HMCN1: variants seen among roughly 807,000 people sequenced by gnomAD.
The protein encoded by HMCN1 is hemicentin-1.
HMCN1 carries 321 observed loss-of-function variants against 625.9 expected under a neutral mutation model. That is an observed-to-expected ratio of 0.51 (90% CI 0.47 to 0.56). HMCN1 has a LOEUF of 0.56. Among genes scored for constraint, HMCN1 ranks in the 20% least tolerant of loss-of-function variants. The pLI, the probability that HMCN1 is intolerant of heterozygous loss-of-function variation, is 0.00. For synonymous variants in HMCN1, 2,425 were observed against 2,417.6 expected (o/e 1.00, Z -0.09); for missense variants, 6,588 against 6,887.3 (o/e 0.96, Z 1.54).
intron 1 of HMCN1, among the ~76,000 whole-genome samples, chr1:185,795,326 A>G (rs1264472884): frequency 2.0e-5 from 3 of 152,314 alleles, no homozygotes; most frequent in East Asian, 1.9e-4. Flanking sequence ...GTTACTTCAT[A>G]TAATCATTGA....
At chr1:186,109,355 C>T (rs900765023) in intron 71 of HMCN1, among the ~76,000 whole-genome samples, 1 of 152,182 alleles carries the variant, frequency 6.6e-6, no homozygotes, top group African/African-American at 2.4e-5. Context: ...AGGCCAGGTT[C>T]TGAGAGTTAC....
At chr1:185,813,571 G>A (rs1187957725) in intron 1 of HMCN1, among the ~76,000 whole-genome samples, 1 of 152,120 alleles carries the variant, frequency 6.6e-6, no homozygotes, top group Non-Finnish European at 1.5e-5. Context: ...GTCAGTACCA[G>A]CAGGTGGAGC....
intron 1 of HMCN1, among the ~76,000 whole-genome samples, chr1:185,807,144 ACTAT>A (rs1433504925): frequency 2.6e-5 from 4 of 152,220 alleles, no homozygotes; most frequent in South Asian, 2.1e-4. Context: ...TCCTATTTAA[ACTAT>A]CTAAGAACAT....
rs151088932 is a variant in HMCN1 at position 186,095,297 on chromosome 1, G to T, written c.10349G>T (p.Gly3450Val). 1 of 1,613,642 alleles carries T rather than the reference G, an allele frequency of 6.2e-7. No homozygotes were observed. The highest frequency in any genetic ancestry group is 1.3e-5 in the African/African-American group (1 of 74,874). ...ACAGAGGAAATCACAGTTCTCAAAG[G>T]TAGTTCCACCTCTATGGCATGCATT... ...MGTEEITVLK[G>V]SSTSMACITD... Residue 3450 changes from glycine (G) to valine (V), a missense_variant, in exon 68 of 107, where the codon GGT becomes GTT. Coordinates refer to ENST00000271588, the MANE Select transcript of HMCN1 (RefSeq NM_031935.3).
chr1:186,163,848 A>G (rs1227976428), intron 97 of HMCN1, among the ~76,000 whole-genome samples: 1 of 152,192 alleles, frequency 6.6e-6, no homozygotes, highest in Non-Finnish European at 1.5e-5. Flanking sequence ...TCTTATTATG[A>G]CAACCAAAGT....
chr1:185,970,701 C>T lies in HMCN1; in HGVS notation c.2371+208C>T, dbSNP rs187531398. Reference sequence around the variant, plus strand: ...TGATACGGAGTCTCACTCTGTCACCCAGGCTGGAGTGCAGTAGTGCTATCT... The same window carrying T: ...TGATACGGAGTCTCACTCTGTCACCTAGGCTGGAGTGCAGTAGTGCTATCT... On this transcript the variant is annotated intron_variant, in intron 15 of 106. Transcript: ENST00000271588. Among the ~76,000 whole-genome samples, 117 of 152,060 alleles carry T rather than the reference C, an allele frequency of 7.7e-4. 1 individual carries two copies. The highest frequency in any genetic ancestry group is 5.8e-4 in the East Asian group (3 of 5,158).
chr1:186,119,637 C>T lies in HMCN1; in HGVS notation c.11957-108C>T, dbSNP rs141947330. 128 of 1,135,824 alleles carry T rather than the reference C, an allele frequency of 1.1e-4. No homozygotes were observed. The African/African-American group carries it at 1.8e-3, about 16-fold the overall frequency. 70.4% of individuals were successfully genotyped at this position (1,135,824 alleles called of 1,614,324 possible). A position where few individuals can be genotyped will look rare whatever the true frequency, so the allele number is the denominator to read the frequency against. ...ACTTTTCTCTTGGGCAATCAAATCA[C>T]TAATATTTTAGAATTATGAATTTGG... On this transcript the variant is annotated intron_variant, in intron 78 of 106. Transcript: ENST00000271588.
intron 4 of HMCN1, among the ~76,000 whole-genome samples, chr1:185,888,629 C>A (rs1043139720): frequency 2.7e-5 from 4 of 147,098 alleles, no homozygotes; most frequent in Non-Finnish European, 4.4e-5. Context: ...AGATATGCGG[C>A]GTTATTTCTG....
At chr1:185,978,347 CTTTA>C (rs1651375792) in intron 16 of HMCN1, among the ~76,000 whole-genome samples, 1 of 151,986 alleles carries the variant, frequency 6.6e-6, no homozygotes, top group Non-Finnish European at 1.5e-5. Flanking sequence ...TATTAGTTAA[CTTTA>C]TTTATTTTGT....
intron 40 of HMCN1, among the ~76,000 whole-genome samples, chr1:186,043,628 A>C (rs561238840): frequency 2.0e-5 from 3 of 152,322 alleles, no homozygotes; most frequent in African/African-American, 7.2e-5. Flanking sequence ...AATCTAAGAC[A>C]AACATTTTTA....
chr1:186,050,342 T>A (rs749751407), intron 42 of HMCN1, among the ~76,000 whole-genome samples: 2 of 151,910 alleles, frequency 1.3e-5, no homozygotes, highest in South Asian at 2.1e-4. Flanking sequence ...AAACATAAGG[T>A]TGCAATGAAA....
In HMCN1 at chr1:185,956,218, C is replaced by T. The variant is rs372463660; in HGVS notation, c.1829-6300C>T. Reference sequence around the variant, plus strand: ...TGGGATTTTTTTTTCCCTCATACACCAAGCAGTTCTCCAGCAGACACCAGC... The same window carrying T: ...TGGGATTTTTTTTTCCCTCATACACTAAGCAGTTCTCCAGCAGACACCAGC... On this transcript the variant is annotated intron_variant, in intron 11 of 106. Transcript: ENST00000271588. Among the ~76,000 whole-genome samples, 3 of 151,904 alleles carry T rather than the reference C, an allele frequency of 2.0e-5. No individual in the cohort carries two copies. In the South Asian group the frequency reaches 6.2e-4, roughly 32 times the overall value.
chr1:185,962,681 T>C (rs1298503454), intron 12 of HMCN1, 22 bp downstream of exon 12: 12 of 1,433,144 alleles, frequency 8.4e-6, no homozygotes, highest in Non-Finnish European at 1.2e-5. Context: ...GTATCATGTT[T>C]TTGTTTTTAT....
intron 55 of HMCN1, among the ~76,000 whole-genome samples, chr1:186,080,698 G>A (rs1659116672): frequency 1.3e-5 from 2 of 152,158 alleles, no homozygotes; most frequent in South Asian, 4.1e-4. Flanking sequence ...TGATGCTGAT[G>A]CTGATACCAC....
Position 185,987,540 on chromosome 1 carries a change from C to A in HMCN1, c.3044C>A (p.Ser1015Tyr). ...AATCCCAAACCGTCTGTCATCTGGT[C>A]CAAGGTAAATGATACATCTAGTTAT... Reference protein sequence around the residue: ...SGNPKPSVIWSKKGELISTSS... With the variant: ...SGNPKPSVIWYKKGELISTSS... The change falls in exon 20 of 107, where the codon TCC (serine) becomes TAC (tyrosine). Residue 1015 changes from serine (S) to tyrosine (Y), a missense_variant. By Grantham distance (144) the Ser-to-Tyr change is moderately radical. Transcript: ENST00000271588. The A allele has an allele frequency of 6.3e-7, 1 of 1,595,002 alleles. No homozygotes were observed. Among genetic ancestry groups the A allele is most frequent in the South Asian group, 1.1e-5 (1 of 90,670 alleles).
intron 40 of HMCN1, among the ~76,000 whole-genome samples, chr1:186,041,744 T>G (rs1656221932): frequency 6.6e-6 from 1 of 152,158 alleles, no homozygotes; most frequent in African/African-American, 2.4e-5. Context: ...CACATTCCAG[T>G]ATACCTTTAC....
At chr1:186,130,159 T>C in intron 84 of HMCN1, 59 bp downstream of exon 84, 1 of 1,606,672 alleles carries the variant, frequency 6.2e-7, no homozygotes, top group Non-Finnish European at 8.5e-7. Context: ...AGTTCAAGTT[T>C]TGCTTCTTTA....
At position 186,142,406 on chromosome 1, in the gene HMCN1, A is replaced by G. The variant is rs181663173; in HGVS notation, c.13925-1767A>G. On this transcript the variant is annotated intron_variant, in intron 89 of 106. Coordinates refer to ENST00000271588, the MANE Select transcript of HMCN1 (RefSeq NM_031935.3). ...GTACCACATTTTCTTTATCCAGTCTACTGTTGTTGGGTGTTTTGGTTGCTT... is the reference window on the plus strand; with the variant it reads ...GTACCACATTTTCTTTATCCAGTCTGCTGTTGTTGGGTGTTTTGGTTGCTT... 3.9e-3 allele frequency among the ~76,000 whole-genome samples: 594 copies of G among 152,200 alleles called. 2 individuals are homozygous for G. Among genetic ancestry groups the G allele is most frequent in the Non-Finnish European group, 6.1e-3 (412 of 68,004 alleles).
chr1:186,019,918 A>G (rs372118260), intron 35 of HMCN1, among the ~76,000 whole-genome samples: 4 of 152,068 alleles, frequency 2.6e-5, no homozygotes, highest in African/African-American at 9.7e-5. Flanking sequence ...TGATTTGAAG[A>G]TAGTGATCAT....
Sources: allele counts gnomAD v4.1 joint callset (sites outside exome capture counted in the v4.1 genomes callset), GRCh38; gene constraint gnomAD v4.1.1; transcripts MANE v1.5; gene names NCBI Gene and HGNC (gene_info 2026-07-23, HGNC 2026-07-21).